Variants in PSMC6 observed in about 807,000 individuals in gnomAD.
PSMC6 encodes the protein 26S proteasome regulatory subunit 10B.
Under a neutral mutation model 55.9 loss-of-function variants are expected in PSMC6, and 3 were observed. That is an observed-to-expected ratio of 0.05 (90% CI 0.02 to 0.14). The LOEUF (loss-of-function observed/expected upper bound fraction) is 0.14. PSMC6 is among the 10% of genes least tolerant of loss of function. The pLI, the probability that PSMC6 is intolerant of heterozygous loss-of-function variation, is 1.00. For synonymous variants in PSMC6, 137 were observed against 155.9 expected, an observed-to-expected ratio of 0.88 and a Z score of 0.90; for missense variants, 210 against 478.7, an observed-to-expected ratio of 0.44 and a Z score of 5.24.
At chr14:52,720,316 G>A (rs575644470) in intron 10 of PSMC6, among the ~76,000 whole-genome samples, 8 of 117,330 alleles carry the variant, frequency 6.8e-5, no homozygotes, top group East Asian at 5.5e-4. Context: ...TGCAGTGAGC[G>A]ATGATCAGGC....
intron 7 of PSMC6, among the ~76,000 whole-genome samples, chr14:52,714,617 T>G (rs1485629543): frequency 4.6e-5 from 7 of 152,090 alleles, no homozygotes; most frequent in African/African-American, 1.7e-4. Context: ...ATCCCAGCAC[T>G]TCGGGAGGCC....
intron 9 of PSMC6, 90 bp downstream of exon 9, chr14:52,718,442 G>T: frequency 7.5e-7 from 1 of 1,332,430 alleles, no homozygotes; most frequent in Non-Finnish European, 1.0e-6. Flanking sequence ...ATTGTGACTT[G>T]TATGAAGTAG....
intron 6 of PSMC6, among the ~76,000 whole-genome samples, chr14:52,713,519 G>T (rs1566657746): frequency 6.6e-6 from 1 of 151,928 alleles, no homozygotes; most frequent in Non-Finnish European, 1.5e-5. Context: ...ATGTTCATTT[G>T]ACTTAACTGA....
chr14:52,717,330 A>AATGATTTCCACTTTTTTTT (rs2041840862), intron 7 of PSMC6, among the ~76,000 whole-genome samples: 1 of 110,734 alleles, frequency 9.0e-6, no homozygotes, highest in Admixed American at 1.1e-4. Context: ...GTACTTTGGA[A>AATGATTTCCACTTTTTTTT]TTTTTTTTTT....
In PSMC6 at chr14:52,727,616, A is replaced by G; in HGVS notation, c.1169A>G (p.Ter390=). The G allele has an allele frequency of 6.3e-7, 1 of 1,596,776 alleles. No individual in the cohort carries two copies. The highest frequency in any genetic ancestry group is 8.6e-7 in the Non-Finnish European group (1 of 1,166,904). The change falls in exon 14 of 14, where the codon TAA becomes TGA. Residue 390 remains the stop codon, a stop_retained_variant. Coordinates refer to ENST00000445930, the MANE Select transcript of PSMC6 (RefSeq NM_002806.5). ...TCTAAATTGGACTACAAACCTGTGTAATTTACTGTAAGATTTTTGATGGCT... is the reference window on the plus strand; with the variant it reads ...TCTAAATTGGACTACAAACCTGTGTGATTTACTGTAAGATTTTTGATGGCT... The part of the protein sequence containing the change: ...LESKLDYKPV[*]
chr14:52,723,709 A>T (rs1880285949), intron 12 of PSMC6: 1 of 745,470 alleles, frequency 1.3e-6, no homozygotes, highest in East Asian at 3.8e-5. Context: ...CACTGTATAA[A>T]AATAGATTAA....
At chr14:52,726,045 A>T (rs1880396465) in intron 13 of PSMC6, among the ~76,000 whole-genome samples, 1 of 152,234 alleles carries the variant, frequency 6.6e-6, no homozygotes, top group Non-Finnish European at 1.5e-5. Flanking sequence ...AATCTTCTAT[A>T]TTAACTCCCT....
chr14:52,707,713 C>T (rs1408311137), intron 1 of PSMC6, among the ~76,000 whole-genome samples: 1 of 152,134 alleles, frequency 6.6e-6, no homozygotes, highest in Non-Finnish European at 1.5e-5. Context: ...AGTCGAAAGA[C>T]GGCCGCGGAG....
chr14:52,722,092 C>T (rs1880218888), intron 12 of PSMC6: 1 of 152,360 alleles, frequency 6.6e-6, no homozygotes, highest in African/African-American at 2.4e-5. Context: ...TAAATTGATT[C>T]CTGTTAAATG....
Position 52,728,556 on chromosome 14 carries a change from TTA to T in PSMC6, c.*943_*944del, listed in dbSNP as rs1880516700. 1 of 152,206 alleles carries T rather than the reference TTA, an allele frequency of 6.6e-6. No individual in the cohort carries two copies. Among genetic ancestry groups the T allele is most frequent in the South Asian group, 2.1e-4 (1 of 4,828 alleles). 9.4% of individuals were successfully genotyped at this position (152,206 alleles called of 1,614,324 possible). On this transcript the variant is annotated 3_prime_UTR_variant, in exon 14 of 14. Coordinates refer to ENST00000445930, the MANE Select transcript of PSMC6 (RefSeq NM_002806.5). ...GATTTCTGTTACCTATACATGATTC[TTA>T]TATCATCTGGCAATAAAAGCTATAA...
chr14:52,707,381 G>C (rs1282106312), intron 1 of PSMC6, 77 bp downstream of exon 1: 2 of 1,579,758 alleles, frequency 1.3e-6, no homozygotes, highest in East Asian at 2.3e-5. Flanking sequence ...GCCTTTCGCC[G>C]AGCCCGGCAA....
In PSMC6 at chr14:52,718,959, C is replaced by T; in HGVS notation, c.716-18C>T. On this transcript the variant is annotated intron_variant, in intron 9 of 13. Coordinates refer to ENST00000445930, the MANE Select transcript of PSMC6 (RefSeq NM_002806.5). ...GGAAAAGAGTAATGCATATAAATTT[C>T]CAAATCTACTATCTTAGGTGGTCGT... The T allele has an allele frequency of 4.4e-6, 7 of 1,590,926 alleles. No homozygotes were observed. Among genetic ancestry groups the T allele is most frequent in the Non-Finnish European group, 6.0e-6 (7 of 1,159,994 alleles).
At chr14:52,718,748 T>C (rs1451054186) in intron 9 of PSMC6, 11 of 505,054 alleles carry the variant, frequency 2.2e-5, no homozygotes, top group Non-Finnish European at 3.2e-5. Flanking sequence ...ATCACACCAC[T>C]GCACTCCAGC....
At chr14:52,710,982 A>G in intron 4 of PSMC6, 119 bp from the exon 5 acceptor site, 3 of 808,938 alleles carry the variant, frequency 3.7e-6, no homozygotes, top group Non-Finnish European at 6.1e-6. Context: ...TTATAATCTG[A>G]TATTTGTGTT....
At chr14:52,714,434 GCT>G (rs1424927315) in intron 7 of PSMC6, among the ~76,000 whole-genome samples, 1 of 152,156 alleles carries the variant, frequency 6.6e-6, no homozygotes, top group Non-Finnish European at 1.5e-5. Context: ...TTTGAGGCAT[GCT>G]TAGTGCATTT....
chr14:52,711,539 C>T lies in PSMC6; in HGVS notation c.441+15C>T, dbSNP rs1417840070. On this transcript the variant is annotated intron_variant, in intron 6 of 13. Transcript: ENST00000445930. ...AATTAAGAGAGGTTGGTACTGTGTG[C>T]CTTGTTCTCTGAACTTAGCTAATAA... The T allele has an allele frequency of 4.6e-6, 7 of 1,537,354 alleles. No homozygotes were observed. The highest frequency in any genetic ancestry group is 6.3e-6 in the Non-Finnish European group (7 of 1,119,096).
intron 6 of PSMC6, among the ~76,000 whole-genome samples, 161 bp downstream of exon 6, chr14:52,711,685 C>A (rs746303415): frequency 3.3e-5 from 5 of 152,068 alleles, no homozygotes; most frequent in Non-Finnish European, 7.4e-5. Flanking sequence ...CACTGAATTT[C>A]TAGCTGTGAA....
chr14:52,719,044 A>C lies in PSMC6; in HGVS notation c.777+6A>C. On this transcript the variant is annotated splice_donor_region_variant and intron_variant, in intron 10 of 13. Transcript: ENST00000445930. Reference sequence around the variant, plus strand: ...TTCAGAGAACGTTAATGGAGGTAATATTTGGTAAAGGGGGTTTATAAAGAA... The same window carrying C: ...TTCAGAGAACGTTAATGGAGGTAATCTTTGGTAAAGGGGGTTTATAAAGAA... 1 of 1,605,082 alleles carries C rather than the reference A, an allele frequency of 6.2e-7. No individual in the cohort carries two copies. The highest frequency in any genetic ancestry group is 8.5e-7 in the Non-Finnish European group (1 of 1,172,020).
chr14:52,708,285 A>C (rs1360959403), intron 1 of PSMC6, 24 bp from the exon 2 acceptor site: 2 of 1,571,932 alleles, frequency 1.3e-6, no homozygotes. Context: ...TTCAATTAAA[A>C]ATGTTCAAAT....
Sources: gnomAD v4.1 joint callset for allele counts (sites outside exome capture counted in the v4.1 genomes callset) on GRCh38, gnomAD v4.1.1 for gene constraint, MANE v1.5 for transcripts, NCBI Gene and HGNC (gene_info 2026-07-23, HGNC 2026-07-21) for gene names.